CHCHD6: variants seen among roughly 807,000 people sequenced by gnomAD.
The protein encoded by CHCHD6 is coiled-coil-helix-coiled-coil-helix domain containing 6.
In CHCHD6, 28 loss-of-function variants were observed where a neutral mutation model predicts 32.3. That is an observed-to-expected ratio of 0.87 (90% CI 0.64 to 1.19). The LOEUF is 1.19. Ranked by LOEUF, CHCHD6 falls within the 50% of genes most tolerant of loss-of-function variation. The probability of loss-of-function intolerance (pLI) is 0.00; values close to 1 mark genes in which losing one functional copy is unlikely to be tolerated. For synonymous variants in CHCHD6, 122 were observed against 117.5 expected (o/e 1.04, Z -0.25); for missense variants, 333 against 307.0 (o/e 1.08, Z -0.63).
intron 4 of CHCHD6, among the ~76,000 whole-genome samples, chr3:126,802,808 C>G (rs1047785610): frequency 2.6e-5 from 4 of 152,104 alleles, no homozygotes; most frequent in Non-Finnish European, 5.9e-5. Context: ...TAAGGTCAGC[C>G]AGAGAGAAAG....
intron 6 of CHCHD6, among the ~76,000 whole-genome samples, chr3:126,946,840 G>A (rs2078646590): frequency 6.6e-6 from 1 of 152,204 alleles, no homozygotes; most frequent in African/African-American, 2.4e-5. Context: ...CCTGCTCCAT[G>A]TATTCACCCC....
chr3:126,948,981 G>A (rs191540071), intron 6 of CHCHD6, among the ~76,000 whole-genome samples: 1 of 152,310 alleles, frequency 6.6e-6, no homozygotes, highest in Non-Finnish European at 1.5e-5. Flanking sequence ...ATGCTACCCA[G>A]GCCAGAAGGG....
At chr3:126,855,275 C>T (rs1054692347) in intron 5 of CHCHD6, among the ~76,000 whole-genome samples, 3 of 152,198 alleles carry the variant, frequency 2.0e-5, no homozygotes, top group African/African-American at 4.8e-5. Flanking sequence ...CACCAGAGCC[C>T]ATGAGCCTTG....
At position 126,913,207 on chromosome 3, in the gene CHCHD6, C is replaced by CT. The variant is rs546179022; in HGVS notation, c.496-1436dup. Among the ~76,000 whole-genome samples, 278 of 33,784 alleles carry CT rather than the reference C, an allele frequency of 8.2e-3. 85 individuals carry two copies. Among genetic ancestry groups the CT allele is most frequent in the Non-Finnish European group, 0.011 (219 of 19,638 alleles). The allele number at this position is 33,784 out of a possible 152,430, so 22.2% of individuals were successfully genotyped here. A position where few individuals can be genotyped will look rare whatever the true frequency, so the allele number is the denominator to read the frequency against. On this transcript the variant is annotated intron_variant, in intron 5 of 7. Transcript: ENST00000290913. ...GGATAATCATGCTGCCCGTATGAGC[C>CT]TTTTTTTTTTTTTTTTTTTTTTTTT...
At chr3:126,896,110 A>G (rs768853039) in intron 5 of CHCHD6, among the ~76,000 whole-genome samples, 1 of 152,120 alleles carries the variant, frequency 6.6e-6, no homozygotes, top group Non-Finnish European at 1.5e-5. Flanking sequence ...TCAGTTTTAC[A>G]TGAAGCTTTG....
chr3:126,955,387 C>A (rs1188609660), intron 6 of CHCHD6, among the ~76,000 whole-genome samples: 5 of 152,228 alleles, frequency 3.3e-5, no homozygotes, highest in African/African-American at 9.6e-5. Flanking sequence ...AAAACCCCCC[C>A]CACCCAGTCC....
chr3:126,893,813 AC>A (rs1342139830), intron 5 of CHCHD6, among the ~76,000 whole-genome samples: 1 of 152,188 alleles, frequency 6.6e-6, no homozygotes, highest in Non-Finnish European at 1.5e-5. Context: ...TGGAAGAGAG[AC>A]CACTCAAAAA....
rs545882537 is a variant in CHCHD6, at chr3:126,820,977, C to G, written c.412-31670C>G. On this transcript the variant is annotated intron_variant, in intron 4 of 7. Coordinates refer to ENST00000290913, the MANE Select transcript of CHCHD6 (RefSeq NM_032343.3). ...CCATGCCCATCAGCAGTAATTCCCC[C>G]TCACCCTTCAGCCCTAACCCATGGA... 5.9e-5 allele frequency among the ~76,000 whole-genome samples: 9 copies of G among 152,314 alleles called. No homozygotes were observed. In the South Asian group the frequency reaches 1.4e-3, roughly 25 times the overall value.
At chr3:126,879,884 C>T (rs2077586317) in intron 5 of CHCHD6, among the ~76,000 whole-genome samples, 1 of 152,180 alleles carries the variant, frequency 6.6e-6, no homozygotes, top group Non-Finnish European at 1.5e-5. Flanking sequence ...GAAACCCTAA[C>T]AAGTGATGAA....
chr3:126,866,598 C>A (rs547862002), intron 5 of CHCHD6, among the ~76,000 whole-genome samples: 1 of 152,338 alleles, frequency 6.6e-6, no homozygotes, highest in African/African-American at 2.4e-5. Context: ...CAGAGGATGA[C>A]TTATTCACCA....
At chr3:126,746,822 C>G (rs1576366957) in intron 4 of CHCHD6, among the ~76,000 whole-genome samples, 1 of 152,002 alleles carries the variant, frequency 6.6e-6, no homozygotes, top group Non-Finnish European at 1.5e-5. Context: ...CCTTTTTTTT[C>G]CTTTCCCCTT....
intron 1 of CHCHD6, among the ~76,000 whole-genome samples, chr3:126,705,327 TC>T (rs1934432153): frequency 6.6e-6 from 1 of 152,222 alleles, no homozygotes; most frequent in Admixed American, 6.5e-5. Flanking sequence ...AGGCTAAGGT[TC>T]CTGTCTGATT....
intron 4 of CHCHD6, among the ~76,000 whole-genome samples, chr3:126,764,195 A>G (rs183657736): frequency 0.038 from 4,437 of 117,538 alleles, 91 homozygotes; most frequent in Admixed American, 0.051. Flanking sequence ...ATACATACAT[A>G]CATGCATATA....
intron 4 of CHCHD6, among the ~76,000 whole-genome samples, chr3:126,736,004 T>G: frequency 6.6e-6 from 1 of 152,200 alleles, no homozygotes; most frequent in East Asian, 1.9e-4. Flanking sequence ...AGTTAACAGA[T>G]AACCAAGGCA....
At chr3:126,718,505 G>A (rs1262826138) in intron 1 of CHCHD6, among the ~76,000 whole-genome samples, 1 of 152,220 alleles carries the variant, frequency 6.6e-6, no homozygotes, top group Non-Finnish European at 1.5e-5. Flanking sequence ...GCTTAGCTGG[G>A]ATTCAAACCT....
chr3:126,838,754 AT>A (rs1207359813), intron 4 of CHCHD6, among the ~76,000 whole-genome samples: 2 of 152,202 alleles, frequency 1.3e-5, no homozygotes, highest in African/African-American at 4.8e-5. Flanking sequence ...GCACAGAGAA[AT>A]TGCAAATAAT....
At chr3:126,822,789 T>C (rs2107537215) in intron 4 of CHCHD6, among the ~76,000 whole-genome samples, 1 of 152,378 alleles carries the variant, frequency 6.6e-6, no homozygotes, top group East Asian at 1.9e-4. Context: ...ATCACTTGAC[T>C]CTGTATGTGT....
intron 6 of CHCHD6, among the ~76,000 whole-genome samples, chr3:126,927,720 A>G (rs902852497): frequency 2.0e-5 from 3 of 152,146 alleles, no homozygotes; most frequent in African/African-American, 4.8e-5. Flanking sequence ...TGAGTGTTAC[A>G]TTTAGATTAG....
chr3:126,862,289 C>T (rs1490526454), intron 5 of CHCHD6, among the ~76,000 whole-genome samples: 8 of 135,688 alleles, frequency 5.9e-5, no homozygotes, highest in Non-Finnish European at 1.3e-4. Flanking sequence ...ACCATCACCA[C>T]CTCCTCCTCC....
Sources: gnomAD v4.1 joint callset for allele counts (sites outside exome capture counted in the v4.1 genomes callset) on GRCh38, gnomAD v4.1.1 for gene constraint, MANE v1.5 for transcripts, NCBI Gene and HGNC (gene_info 2026-07-23, HGNC 2026-07-21) for gene names.